SLC17A6: variants seen among roughly 807,000 people sequenced by gnomAD.
The protein encoded by SLC17A6 is solute carrier family 17 member 6, also known as vesicular glutamate transporter 2.
SLC17A6 carries 35 observed loss-of-function variants against 67.1 expected under a neutral mutation model. The ratio of observed to expected loss-of-function variants is 0.52; its 90% CI spans 0.40 to 0.69. SLC17A6 has a LOEUF of 0.69. SLC17A6 is among the 30% of genes least tolerant of loss of function. The pLI is 0.00. For synonymous variants in SLC17A6, 285 were observed against 252.3 expected (o/e 1.13, Z -1.23); for missense variants, 588 against 723.9 (o/e 0.81, Z 2.15).
intron 3 of SLC17A6, among the ~76,000 whole-genome samples, chr11:22,347,200 C>T (rs1021549874): frequency 1.3e-5 from 2 of 150,310 alleles, no homozygotes; most frequent in Admixed American, 6.6e-5. Context: ...GATAAATACT[C>T]GTTAAATAAA....
intron 3 of SLC17A6, among the ~76,000 whole-genome samples, chr11:22,346,861 AT>A (rs531653988): frequency 6.1e-5 from 9 of 148,438 alleles, no homozygotes; most frequent in African/African-American, 9.8e-5. Flanking sequence ...ATAAATATAC[AT>A]TTTTTTTGCA....
Position 22,338,459 on chromosome 11 carries a change from C to A in SLC17A6, c.-75C>A. 1 of 1,073,804 alleles carries A rather than the reference C, an allele frequency of 9.3e-7. No homozygotes were observed. The highest frequency in any genetic ancestry group is 1.4e-6 in the Non-Finnish European group (1 of 700,696). The allele number at this position is 1,073,804 out of a possible 1,614,324, so 66.5% of individuals were successfully genotyped here. Reference sequence around the variant, plus strand: ...CCGCAACTACTTTAAGAGATTAAGACAATATGCGCAATCCTCGCCTTTCCT... The same window carrying A: ...CCGCAACTACTTTAAGAGATTAAGAAAATATGCGCAATCCTCGCCTTTCCT... On this transcript the variant is annotated 5_prime_UTR_variant, in exon 1 of 12. Transcript: ENST00000263160.
intron 8 of SLC17A6, among the ~76,000 whole-genome samples, chr11:22,372,925 T>C (rs1361704785): frequency 6.6e-6 from 1 of 152,156 alleles, no homozygotes; most frequent in Non-Finnish European, 1.5e-5. Context: ...TCTTTGGCTC[T>C]TTTGAGGTCA....
chr11:22,379,208 C>A lies in SLC17A6; in HGVS notation c.*1468C>A, dbSNP rs1856269382. ...GTCCTAAAATTATGATAATACATTT[C>A]CCAATTCAACTCAAAATATTATTGG... On this transcript the variant is annotated 3_prime_UTR_variant, in exon 12 of 12. Coordinates refer to ENST00000263160, the MANE Select transcript of SLC17A6 (RefSeq NM_020346.3). The A allele has an allele frequency of 6.6e-6, 1 of 152,462 alleles. No homozygotes were observed. The highest frequency in any genetic ancestry group is 1.5e-5 in the Non-Finnish European group (1 of 68,006). The allele number at this position is 152,462 out of a possible 1,614,324, so 9.4% of individuals were successfully genotyped here. A position where few individuals can be genotyped will look rare whatever the true frequency, so the allele number is the denominator to read the frequency against.
intron 3 of SLC17A6, among the ~76,000 whole-genome samples, 178 bp from the exon 4 acceptor site, chr11:22,359,235 A>G (rs998319158): frequency 6.6e-6 from 1 of 152,208 alleles, no homozygotes; most frequent in Non-Finnish European, 1.5e-5. Flanking sequence ...TGGCCCATGT[A>G]TATATTCACA....
chr11:22,348,326 C>A (rs186435505), intron 3 of SLC17A6, among the ~76,000 whole-genome samples: 1 of 152,076 alleles, frequency 6.6e-6, no homozygotes, highest in African/African-American at 2.4e-5. Context: ...CATGAATTAG[C>A]GAGAGAAGCC....
rs1326454062 is a variant in SLC17A6, at chr11:22,378,604, T to C, written c.*864T>C. ...ACCACAAAGAATCTAATAAGAAATT[T>C]ATTATGGAGATATAGCCCTTAAAAT... On this transcript the variant is annotated 3_prime_UTR_variant, in exon 12 of 12. Coordinates refer to ENST00000263160, the MANE Select transcript of SLC17A6 (RefSeq NM_020346.3). The C allele has an allele frequency of 6.6e-6, 1 of 152,538 alleles. No homozygotes were observed. Among genetic ancestry groups the C allele is most frequent in the Non-Finnish European group, 1.5e-5 (1 of 67,982 alleles). 9.4% of individuals were successfully genotyped at this position (152,538 alleles called of 1,614,324 possible).
Position 22,378,734 on chromosome 11 carries a change from A to C in SLC17A6, c.*994A>C, listed in dbSNP as rs2133881789. 6.6e-6 allele frequency: 1 copy of C among 152,354 alleles called. No homozygotes were observed. Among genetic ancestry groups the C allele is most frequent in the East Asian group, 1.9e-4 (1 of 5,182 alleles). The allele number at this position is 152,354 out of a possible 1,614,324, so 9.4% of individuals were successfully genotyped here. A position where few individuals can be genotyped will look rare whatever the true frequency, so the allele number is the denominator to read the frequency against. On this transcript the variant is annotated 3_prime_UTR_variant, in exon 12 of 12. Coordinates refer to ENST00000263160, the MANE Select transcript of SLC17A6 (RefSeq NM_020346.3). ...CCACAGAGCTATATATAATATGAAA[A>C]GATTAACTTCATAGAGATATTGTAA...
chr11:22,339,114 ATGT>A (rs1474707158), intron 1 of SLC17A6, among the ~76,000 whole-genome samples: 2 of 106,852 alleles, frequency 1.9e-5, no homozygotes, highest in African/African-American at 8.5e-5. Context: ...TTATATATAT[ATGT>A]TATATATATA....
At position 22,339,057 on chromosome 11, in the gene SLC17A6, T is replaced by C. The variant is rs201291514; in HGVS notation, c.86+438T>C. Among the ~76,000 whole-genome samples the C allele has an allele frequency of 2.3e-5, 3 of 127,750 alleles. No homozygotes were observed. The East Asian group carries it at 6.5e-4, about 28-fold the overall frequency. 83.8% of individuals were successfully genotyped at this position (127,750 alleles called of 152,430 possible). A position where few individuals can be genotyped will look rare whatever the true frequency, so the allele number is the denominator to read the frequency against. ...ATAACCAAGAAATTCCAAAGAGTAA[T>C]GGTTTATATATATATATATGTTATA... On this transcript the variant is annotated intron_variant, in intron 1 of 11. Transcript: ENST00000263160.
rs945798103 is a variant in SLC17A6, at chr11:22,359,599, T to C, written c.573+72T>C. 3.6e-6 allele frequency: 3 copies of C among 833,268 alleles called. No individual in the cohort carries two copies. The African/African-American group carries it at 5.2e-5, about 15-fold the overall frequency. The allele number at this position is 833,268 out of a possible 1,614,324, so 51.6% of individuals were successfully genotyped here. ...AGAACCACCAGTTTATCTTTGTCTT[T>C]ATCTGTAAATAAATATATTGTATTA... On this transcript the variant is annotated intron_variant, in intron 4 of 11. Coordinates refer to ENST00000263160, the MANE Select transcript of SLC17A6 (RefSeq NM_020346.3).
intron 3 of SLC17A6, among the ~76,000 whole-genome samples, chr11:22,346,861 A>T (rs989957315): frequency 1.3e-5 from 2 of 148,430 alleles, no homozygotes; most frequent in Admixed American, 6.8e-5. Context: ...ATAAATATAC[A>T]TTTTTTTTGC....
chr11:22,363,906 T>C (rs372407087), intron 6 of SLC17A6, among the ~76,000 whole-genome samples: 7 of 152,268 alleles, frequency 4.6e-5, no homozygotes, highest in African/African-American at 1.7e-4. Flanking sequence ...ATTGTACAAG[T>C]TGGTATGGCT....
At chr11:22,371,303 A>G (rs1435179287) in intron 8 of SLC17A6, among the ~76,000 whole-genome samples, 1 of 151,974 alleles carries the variant, frequency 6.6e-6, no homozygotes, top group Non-Finnish European at 1.5e-5. Flanking sequence ...CGCTATTCAT[A>G]TTCTATCTCT....
chr11:22,366,071 T>C (rs1564984897), intron 7 of SLC17A6, among the ~76,000 whole-genome samples: 1 of 151,980 alleles, frequency 6.6e-6, no homozygotes, highest in African/African-American at 2.4e-5. Flanking sequence ...AATACAGTAG[T>C]CCCCCCGCAT....
chr11:22,376,152 G>C (rs752093849), intron 10 of SLC17A6, 60 bp downstream of exon 10: 1 of 1,116,872 alleles, frequency 9.0e-7, no homozygotes, highest in Non-Finnish European at 1.3e-6. Context: ...GCTGATAAAA[G>C]ACACATACAT....
intron 3 of SLC17A6, among the ~76,000 whole-genome samples, chr11:22,353,112 A>G (rs1003343482): frequency 6.6e-6 from 1 of 152,218 alleles, no homozygotes; most frequent in Non-Finnish European, 1.5e-5. Flanking sequence ...TCTATTAAAG[A>G]TTAGGAAATT....
intron 3 of SLC17A6, among the ~76,000 whole-genome samples, chr11:22,345,962 T>G (rs985226458): frequency 1.3e-5 from 2 of 152,204 alleles, no homozygotes; most frequent in South Asian, 2.1e-4. Context: ...TCAGAGATTT[T>G]TACAAGTTGT....
chr11:22,347,521 G>A (rs911476115), intron 3 of SLC17A6, among the ~76,000 whole-genome samples: 2 of 151,866 alleles, frequency 1.3e-5, no homozygotes, highest in Admixed American at 6.6e-5. Flanking sequence ...AAAAAGGAAG[G>A]AATAAAACCT....
Sources: allele counts gnomAD v4.1 joint callset (sites outside exome capture counted in the v4.1 genomes callset), GRCh38; gene constraint gnomAD v4.1.1; transcripts MANE v1.5; gene names NCBI Gene and HGNC (gene_info 2026-07-23, HGNC 2026-07-21).